The following GHR variants were observed in gnomAD, a reference collection of about 807,000 sequenced individuals.
The protein encoded by GHR is growth hormone receptor, also known as GH receptor.
Under a neutral mutation model 67.1 loss-of-function variants are expected in GHR, and 35 were observed. That is an observed-to-expected ratio of 0.52 (90% CI 0.40 to 0.69). GHR has a LOEUF of 0.69. Among genes scored for constraint, GHR ranks in the 30% least tolerant of loss-of-function variants. The pLI is 0.00. For synonymous variants in GHR, 272 were observed against 269.1 expected (o/e 1.01, Z -0.10); for missense variants, 792 against 764.6 (o/e 1.04, Z -0.42).
intron 1 of GHR, among the ~76,000 whole-genome samples, chr5:42,428,280 G>A (rs868103121): frequency 2.0e-5 from 3 of 152,182 alleles, no homozygotes; most frequent in Non-Finnish European, 2.9e-5. Context: ...TGCAGCCATG[G>A]CCTGAGCTGT....
At chr5:42,601,170 G>T (rs577112236) in intron 2 of GHR, among the ~76,000 whole-genome samples, 1 of 151,612 alleles carries the variant, frequency 6.6e-6, no homozygotes, top group African/African-American at 2.4e-5. Flanking sequence ...GAGGTGATCC[G>T]CCCCGCTCAG....
intron 1 of GHR, among the ~76,000 whole-genome samples, chr5:42,496,202 A>G (rs1746314430): frequency 6.6e-6 from 1 of 152,184 alleles, no homozygotes; most frequent in African/African-American, 2.4e-5. Context: ...AAGCAACAGC[A>G]TAAGCACAAT....
chr5:42,680,562 G>C (rs1404781661), intron 3 of GHR, among the ~76,000 whole-genome samples: 2 of 151,332 alleles, frequency 1.3e-5, no homozygotes, highest in Non-Finnish European at 2.9e-5. Context: ...GGGGTGCAGT[G>C]ACACGATCTC....
intron 2 of GHR, among the ~76,000 whole-genome samples, chr5:42,579,018 C>CTAAAAGAAACA (rs1750926215): frequency 6.6e-6 from 1 of 151,604 alleles, no homozygotes; most frequent in Non-Finnish European, 1.5e-5. Flanking sequence ...TCTGTTGATT[C>CTAAAAGAAACA]TAAAAGAAAC....
chr5:42,708,980 A>T (rs1579654699), intron 6 of GHR, among the ~76,000 whole-genome samples: 1 of 152,134 alleles, frequency 6.6e-6, no homozygotes, highest in Non-Finnish European at 1.5e-5. Context: ...ATAATAATTT[A>T]TTTATCTCTT....
intron 2 of GHR, among the ~76,000 whole-genome samples, chr5:42,598,904 G>GA (rs1306001871): frequency 6.6e-6 from 1 of 152,100 alleles, no homozygotes; most frequent in African/African-American, 2.4e-5. Flanking sequence ...ATTTTTAAAG[G>GA]AAAAAGTTAA....
At chr5:42,617,474 C>A (rs1321248314) in intron 2 of GHR, among the ~76,000 whole-genome samples, 1 of 151,754 alleles carries the variant, frequency 6.6e-6, no homozygotes, top group Non-Finnish European at 1.5e-5. Context: ...TTCCTTACAT[C>A]ATTTACCCAG....
intron 2 of GHR, among the ~76,000 whole-genome samples, chr5:42,593,794 T>A (rs1003365905): frequency 3.9e-5 from 6 of 152,232 alleles, no homozygotes; most frequent in Middle Eastern, 3.2e-3. Flanking sequence ...ATAACTATTC[T>A]TGAGGCTCTG....
intron 1 of GHR, chr5:42,468,544 G>GAAGGA: frequency 3.6e-6 from 3 of 825,500 alleles, no homozygotes; most frequent in East Asian, 5.1e-5. Context: ...CGAGAACAAT[G>GAAGGA]ACCCTTATTC....
At chr5:42,544,594 C>T (rs1405177448) in intron 1 of GHR, among the ~76,000 whole-genome samples, 1 of 152,086 alleles carries the variant, frequency 6.6e-6, no homozygotes, top group African/African-American at 2.4e-5. Flanking sequence ...TTTATTGTAA[C>T]ATTACTGATA....
intron 1 of GHR, among the ~76,000 whole-genome samples, chr5:42,447,711 C>T (rs1471283665): frequency 7.6e-6 from 1 of 131,556 alleles, no homozygotes; most frequent in African/African-American, 2.9e-5. Context: ...ATCTCTCCCT[C>T]CCTCCCTCCC....
chr5:42,698,721 C>T lies in GHR; in HGVS notation c.440-1103C>T, dbSNP rs146088949. On this transcript the variant is annotated intron_variant, in intron 5 of 9. Transcript: ENST00000230882. ...TATCTGTAAAGTTATCTCCAGTCAACGCTAGGGATGCACACTCTGCAACAC... is the reference window on the plus strand; with the variant it reads ...TATCTGTAAAGTTATCTCCAGTCAATGCTAGGGATGCACACTCTGCAACAC... Among the ~76,000 whole-genome samples, 301 of 152,164 alleles carry T rather than the reference C, an allele frequency of 2.0e-3. 1 individual carries two copies. The highest frequency in any genetic ancestry group is 0.017 in the Middle Eastern group (5 of 294).
At chr5:42,523,460 T>A (rs1161354674) in intron 1 of GHR, among the ~76,000 whole-genome samples, 1 of 152,126 alleles carries the variant, frequency 6.6e-6, no homozygotes, top group South Asian at 2.1e-4. Context: ...TTCAAACTTT[T>A]TTATTATTAT....
At chr5:42,631,501 C>T (rs892294098) in intron 3 of GHR, among the ~76,000 whole-genome samples, 3 of 152,158 alleles carry the variant, frequency 2.0e-5, no homozygotes, top group Non-Finnish European at 4.4e-5. Flanking sequence ...CTCACATCAC[C>T]TCACTCTGTC....
chr5:42,683,608 A>C (rs1015193067), intron 3 of GHR, among the ~76,000 whole-genome samples: 1 of 152,232 alleles, frequency 6.6e-6, no homozygotes, highest in African/African-American at 2.4e-5. Context: ...TGTCTGCCAC[A>C]GCACTTAACA....
chr5:42,467,529 T>A (rs892042021), intron 1 of GHR: 6 of 1,302,506 alleles, frequency 4.6e-6, no homozygotes, highest in Non-Finnish European at 6.6e-6. Context: ...AACTAAAGGC[T>A]TTCTCACATT....
At chr5:42,576,041 T>G (rs1312952520) in intron 2 of GHR, among the ~76,000 whole-genome samples, 1 of 18,754 alleles carries the variant, frequency 5.3e-5, no homozygotes, top group African/African-American at 3.2e-4. Flanking sequence ...CTCAGAAAAT[T>G]AAAATAATAA....
At chr5:42,632,682 C>G (rs1753986500) in intron 3 of GHR, among the ~76,000 whole-genome samples, 2 of 146,956 alleles carry the variant, frequency 1.4e-5, no homozygotes, top group South Asian at 4.3e-4. Flanking sequence ...TTAGTAACCC[C>G]AAAAGGACCT....
intron 3 of GHR, among the ~76,000 whole-genome samples, chr5:42,646,935 T>G (rs1204844875): frequency 6.6e-6 from 1 of 152,142 alleles, no homozygotes; most frequent in Non-Finnish European, 1.5e-5. Context: ...TTTTTTGGCT[T>G]CTTGAGATCT....
Sources: gnomAD v4.1 joint callset for allele counts (sites outside exome capture counted in the v4.1 genomes callset) on GRCh38, gnomAD v4.1.1 for gene constraint, MANE v1.5 for transcripts, NCBI Gene and HGNC (gene_info 2026-07-23, HGNC 2026-07-21) for gene names.